Variants in SDHA observed in about 807,000 individuals in gnomAD.
The protein encoded by SDHA is succinate dehydrogenase [ubiquinone] flavoprotein subunit, mitochondrial.
Under a neutral mutation model 78.4 loss-of-function variants are expected in SDHA, and 48 were observed. That is an observed-to-expected ratio of 0.61 (90% confidence interval 0.49 to 0.78). The LOEUF is 0.78. Ranked by LOEUF, SDHA falls within the 30% of genes least tolerant of loss-of-function variation. The pLI is 0.00. For missense variants in SDHA, 680 were observed against 892.7 expected, an observed-to-expected ratio of 0.76 and a Z score of 3.04; for synonymous variants, 326 against 353.9, an observed-to-expected ratio of 0.92 and a Z score of 0.88.
intron 2 of SDHA, 151 bp downstream of exon 2, chr5:223,719 ATACT>A (rs1427428137): frequency 1.5e-6 from 1 of 673,508 alleles, no homozygotes; most frequent in Non-Finnish European, 2.7e-6. Flanking sequence ...CAGTGTAATA[ATACT>A]TAATTGCAAG....
At chr5:238,200 C>T (rs1379330438) in intron 10 of SDHA, among the ~76,000 whole-genome samples, 1 of 152,094 alleles carries the variant, frequency 6.6e-6, no homozygotes, top group African/African-American at 2.4e-5. Flanking sequence ...GGAAAAGGCA[C>T]ATCTAGGGAA....
chr5:218,759 A>T (rs936417130), intron 1 of SDHA, among the ~76,000 whole-genome samples: 3 of 152,088 alleles, frequency 2.0e-5, no homozygotes, highest in African/African-American at 7.2e-5. Context: ...TGGCAGGTGG[A>T]CTCGGGGAGG....
downstream of SDHA, among the ~76,000 whole-genome samples, chr5:257,470 CTCT>C (rs1377987034): frequency 6.9e-6 from 1 of 145,854 alleles, no homozygotes; most frequent in African/African-American, 2.6e-5. Context: ...CAGAGCATTA[CTCT>C]GTGAGCTCCG....
At chr5:235,015 C>A in intron 8 of SDHA, 129 bp from the exon 9 acceptor site, 1 of 884,360 alleles carries the variant, frequency 1.1e-6, no homozygotes, top group Non-Finnish European at 1.9e-6. Flanking sequence ...GAGAGGGTGA[C>A]CATACATGAG....
chr5:243,869 T>C (rs1364938536), intron 11 of SDHA, among the ~76,000 whole-genome samples: 1 of 152,000 alleles, frequency 6.6e-6, no homozygotes, highest in Non-Finnish European at 1.5e-5. Context: ...GGACTGAAAG[T>C]GAGTAAAGGA....
chr5:237,504 G>A (rs1735856089), intron 10 of SDHA, among the ~76,000 whole-genome samples: 1 of 133,288 alleles, frequency 7.5e-6, no homozygotes, highest in South Asian at 2.2e-4. Context: ...ACTAAGAACG[G>A]GGCAGTTAGC....
At chr5:242,546 T>C (rs898124685) in intron 11 of SDHA, among the ~76,000 whole-genome samples, 1 of 152,230 alleles carries the variant, frequency 6.6e-6, no homozygotes, top group Non-Finnish European at 1.5e-5. Context: ...CTCTGAAGGC[T>C]GTGAGACCCC....
rs1393298155 is a variant in SDHA at position 225,998 on chromosome 5, G to C, written c.572G>C (p.Cys191Ser). 1 of 1,614,214 alleles carries C rather than the reference G, an allele frequency of 6.2e-7. No individual in the cohort carries two copies. The highest frequency in any genetic ancestry group is 1.1e-5 in the South Asian group (1 of 91,086). Residue 191 changes from cysteine to serine, a missense_variant, in exon 5 of 15, where the codon TGT becomes TCT. Cys to Ser is a moderately radical substitution (Grantham distance 112). Transcript: ENST00000264932. ...GKGGQAHRCC[C>S]VADRTGHSLL... ...GGCGGGCAGGCCCATCGGTGCTGCT[G>C]TGTGGCTGATCGGACTGGCCACTCG...
intron 6 of SDHA, among the ~76,000 whole-genome samples, chr5:230,029 C>T (rs1735293490): frequency 6.6e-6 from 1 of 151,054 alleles, no homozygotes; most frequent in Non-Finnish European, 1.5e-5. Flanking sequence ...TAATATTATA[C>T]AGCATGGTGG....
chr5:242,284 C>T (rs186851219), intron 11 of SDHA, among the ~76,000 whole-genome samples: 148 of 152,334 alleles, frequency 9.7e-4, no homozygotes, highest in African/African-American at 3.3e-3. Context: ...CCATGACGCC[C>T]ACGCTAGAAG....
At chr5:250,675 G>C (rs1204584131) in intron 11 of SDHA, 1 of 375,370 alleles carries the variant, frequency 2.7e-6, no homozygotes, top group South Asian at 2.2e-5. Context: ...TGCCTGGTTG[G>C]CCGTGGAGCT....
chr5:237,797 A>G (rs112305500), intron 10 of SDHA, among the ~76,000 whole-genome samples: 3,511 of 112,260 alleles, frequency 0.031, 188 homozygotes, highest in African/African-American at 0.09. Flanking sequence ...AGGTGCAGAT[A>G]GTATTAAAAG....
rs779166549 is a variant in SDHA at position 235,357 on chromosome 5, T to TC, written c.1260+23dup. ...AGGGGCAGGTGATGGTGCTGGCTCC[T>TC]CCCCCACAGCTGGAAAGAAGGCTGG... On this transcript the variant is annotated intron_variant, in intron 9 of 14. Transcript: ENST00000264932. 1.9e-6 allele frequency: 3 copies of TC among 1,613,132 alleles called. No individual in the cohort carries two copies. The East Asian group carries it at 6.7e-5, about 36-fold the overall frequency.
chr5:225,340 C>T, intron 3 of SDHA, 79 bp from the exon 4 acceptor site: 1 of 1,594,582 alleles, frequency 6.3e-7, no homozygotes, highest in Non-Finnish European at 8.6e-7. Flanking sequence ...TCTGAATCCC[C>T]CCAGCGGGTG....
At chr5:221,983 C>T (rs1019909212) in intron 1 of SDHA, among the ~76,000 whole-genome samples, 6 of 152,252 alleles carry the variant, frequency 3.9e-5, no homozygotes, top group African/African-American at 1.2e-4. Flanking sequence ...TTTCTACTTA[C>T]ATTTGGTATA....
At chr5:222,326 T>C (rs1734763072) in intron 1 of SDHA, among the ~76,000 whole-genome samples, 1 of 151,528 alleles carries the variant, frequency 6.6e-6, no homozygotes, top group Non-Finnish European at 1.5e-5. Flanking sequence ...ATTGCATTTA[T>C]TTCCTAAAGC....
intron 11 of SDHA, 98 bp from the exon 12 acceptor site, chr5:250,894 T>C (rs1439877197): frequency 4.1e-5 from 42 of 1,022,160 alleles, no homozygotes; most frequent in Non-Finnish European, 5.7e-5. Flanking sequence ...TATGTAACTT[T>C]TAAGTGAAAT....
chr5:229,416 C>T (rs906994244), intron 6 of SDHA, among the ~76,000 whole-genome samples: 2 of 152,188 alleles, frequency 1.3e-5, no homozygotes, highest in African/African-American at 2.4e-5. Flanking sequence ...GAATATTATT[C>T]GGCTATGAAA....
intron 1 of SDHA, among the ~76,000 whole-genome samples, 185 bp from the exon 2 acceptor site, chr5:223,297 G>A (rs1734820272): frequency 6.6e-6 from 1 of 152,220 alleles, no homozygotes; most frequent in Non-Finnish European, 1.5e-5. Context: ...TGGGGGCTCA[G>A]TCCTTCCTTG....
Sources: allele counts gnomAD v4.1 joint callset (sites outside exome capture counted in the v4.1 genomes callset), GRCh38; gene constraint gnomAD v4.1.1; transcripts MANE v1.5; gene names NCBI Gene and HGNC (gene_info 2026-07-23, HGNC 2026-07-21).